The following KANK4 variants were observed in gnomAD, a reference collection of about 807,000 sequenced individuals.
KANK4 encodes the protein KN motif and ankyrin repeat domains 4.
A neutral mutation model predicts 80.8 loss-of-function variants in KANK4; 50 were observed. The ratio of observed to expected loss-of-function variants is 0.62; its 90% CI spans 0.49 to 0.78. The LOEUF (loss-of-function observed/expected upper bound fraction) is 0.78, where lower values mean the gene tolerates loss of function less well. KANK4 is among the 30% of genes least tolerant of loss of function. The probability of loss-of-function intolerance (pLI) is 0.00; values close to 1 mark genes in which losing one functional copy is unlikely to be tolerated. For synonymous variants in KANK4, 465 were observed against 506.9 expected (o/e 0.92, Z 1.11); for missense variants, 1,196 against 1,240.1 (o/e 0.96, Z 0.53).
chr1:62,238,466 T>C, intron 9 of KANK4, 85 bp from the exon 10 acceptor site: 1 of 1,092,026 alleles, frequency 9.2e-7, no homozygotes, highest in East Asian at 2.4e-5. Flanking sequence ...GAGTAGAGGG[T>C]ATGCCTGGGA....
chr1:62,297,505 T>C (rs995916964), intron 1 of KANK4, among the ~76,000 whole-genome samples: 4 of 152,210 alleles, frequency 2.6e-5, no homozygotes, highest in Admixed American at 1.3e-4. Context: ...CTTTGCCTTT[T>C]GGGTCCTATT....
chr1:62,239,885 A>G (rs907402499), intron 9 of KANK4, among the ~76,000 whole-genome samples: 2 of 152,148 alleles, frequency 1.3e-5, no homozygotes, highest in African/African-American at 4.8e-5. Context: ...TGGTGTATAT[A>G]TGCCACATAT....
chr1:62,247,776 C>T (rs1363937859), intron 8 of KANK4, 104 bp from the exon 9 acceptor site: 1 of 910,378 alleles, frequency 1.1e-6, no homozygotes, highest in South Asian at 1.4e-5. Context: ...ACCACAACCA[C>T]TGATTTGAAT....
At chr1:62,318,203 G>A (rs1265080515) in intron 1 of KANK4, among the ~76,000 whole-genome samples, 1 of 152,172 alleles carries the variant, frequency 6.6e-6, no homozygotes, top group African/African-American at 2.4e-5. Context: ...CTTTGCCCAG[G>A]CCTCAGGGGG....
intron 3 of KANK4, 55 bp downstream of exon 3, chr1:62,273,149 T>C (rs1672204765): frequency 4.0e-6 from 5 of 1,242,630 alleles, no homozygotes; most frequent in South Asian, 1.7e-5. Context: ...CTCTGCCTTA[T>C]CATGTGAAGG....
intron 9 of KANK4, among the ~76,000 whole-genome samples, chr1:62,243,924 G>T (rs1462395006): frequency 6.6e-6 from 1 of 151,988 alleles, no homozygotes; most frequent in Non-Finnish European, 1.5e-5. Context: ...GACACTGTCT[G>T]TAAATGCCAT....
chr1:62,247,417 G>T (rs1671492429), intron 9 of KANK4, 55 bp downstream of exon 9: 1 of 1,539,862 alleles, frequency 6.5e-7, no homozygotes, highest in Non-Finnish European at 8.9e-7. Flanking sequence ...TGGGGTTACA[G>T]GTATGAGCCA....
Position 62,273,340 on chromosome 1 carries a change from G to A in KANK4, c.1764C>T (p.Ala588=). ...LEHGYPELAS[A]IKQPASKLSS... ...TGAGCTTGGAGGCTGGCTGCTTGATGGCGCTGGCCAGCTCCGGGTACCCAT... is the reference window on the plus strand; with the variant it reads ...TGAGCTTGGAGGCTGGCTGCTTGATAGCGCTGGCCAGCTCCGGGTACCCAT... The change falls in exon 3 of 10, where the codon GCC becomes GCT. Residue 588 remains alanine (A), a synonymous_variant. Coordinates refer to ENST00000371153, the MANE Select transcript of KANK4 (RefSeq NM_181712.5). 7.5e-6 allele frequency: 12 copies of A among 1,608,284 alleles called. No individual in the cohort carries two copies. Among genetic ancestry groups the A allele is most frequent in the Non-Finnish European group, 1.0e-5 (12 of 1,175,652 alleles).
At chr1:62,241,369 G>C (rs1391692730) in intron 9 of KANK4, among the ~76,000 whole-genome samples, 2 of 152,160 alleles carry the variant, frequency 1.3e-5, no homozygotes, top group African/African-American at 4.8e-5. Flanking sequence ...TGGCATTTCA[G>C]TGGGACCCCC....
At chr1:62,314,537 G>A (rs1436429355) in intron 1 of KANK4, among the ~76,000 whole-genome samples, 3 of 151,902 alleles carry the variant, frequency 2.0e-5, no homozygotes, top group Non-Finnish European at 4.4e-5. Flanking sequence ...CGGCACCGAA[G>A]GCTGCTCTTT....
chr1:62,277,959 T>C (rs539983645), intron 2 of KANK4, among the ~76,000 whole-genome samples: 1 of 152,240 alleles, frequency 6.6e-6, no homozygotes, highest in South Asian at 2.1e-4. Flanking sequence ...CACACAGTAT[T>C]TCAAAGTTCT....
intron 1 of KANK4, among the ~76,000 whole-genome samples, chr1:62,305,743 T>A (rs1446703027): frequency 6.6e-6 from 1 of 152,100 alleles, no homozygotes; most frequent in African/African-American, 2.4e-5. Context: ...AAATCGGGAA[T>A]CCAAAGAATG....
chr1:62,244,327 C>T (rs1256108366), intron 9 of KANK4, among the ~76,000 whole-genome samples: 1 of 151,998 alleles, frequency 6.6e-6, no homozygotes, highest in African/African-American at 2.4e-5. Context: ...TCCCAAGTAG[C>T]TGGGACTACA....
Position 62,268,486 on chromosome 1 carries a change from C to T in KANK4, c.2032G>A (p.Glu678Lys), listed in dbSNP as rs1303936679. 6.2e-7 allele frequency: 1 copy of T among 1,613,554 alleles called. No individual in the cohort carries two copies. The highest frequency in any genetic ancestry group is 1.7e-5 in the Admixed American group (1 of 59,988). ...GTGCTGTCCTCACCGCTGGTCTCCT[C>T]ACTTGAGGTGGTCTCATACCTGGGG... ...VNGGYETTSS[E>K]ETSGEDSTPE... is the part of the protein sequence containing the mutation. The change falls in exon 5 of 10, where the codon GAG (glutamate) becomes AAG (lysine). Residue 678 changes from glutamate to lysine, a missense_variant. Around this residue, in one of 3 missense-constraint regions of KANK4, gnomAD observed 1,154 missense variants for 1,179.6 expected, o/e 0.98. Transcript: ENST00000371153.
Position 62,274,244 on chromosome 1 carries a change from G to C in KANK4, c.860C>G (p.Pro287Arg). The C allele has an allele frequency of 6.2e-7, 1 of 1,614,062 alleles. No homozygotes were observed. Among genetic ancestry groups the C allele is most frequent in the Non-Finnish European group, 8.5e-7 (1 of 1,179,970 alleles). Residue 287 changes from proline (P) to arginine (R), a missense_variant, in exon 3 of 10, where the codon CCA becomes CGA. By Grantham distance (103) the Pro-to-Arg change is moderately radical. Coordinates refer to ENST00000371153, the MANE Select transcript of KANK4 (RefSeq NM_181712.5). ...CTCAGGGATGGGTGATGGCAGAGGT[G>C]GCGGGCTTGGCGTAGGGGAGCCAGG... ...FTPGSPTPSP[P>R]PLPSPIPENE...
chr1:62,244,168 C>T (rs938339913), intron 9 of KANK4, among the ~76,000 whole-genome samples: 2 of 151,848 alleles, frequency 1.3e-5, no homozygotes, highest in African/African-American at 4.8e-5. Flanking sequence ...GTCACTGAAC[C>T]TAGATTCAAA....
rs1349795464 is a variant in KANK4 at position 62,263,247 on chromosome 1, G to A, written c.2384C>T (p.Pro795Leu). Residue 795 changes from proline to leucine, a missense_variant, in exon 7 of 10, where the codon CCC (proline) becomes CTC (leucine). Pro to Leu is a moderately conservative substitution (Grantham distance 98, BLOSUM62 -3). Around this residue, in one of 3 missense-constraint regions of KANK4, gnomAD observed 1,154 missense variants for 1,179.6 expected, o/e 0.98. Transcript: ENST00000371153. ...FRVSSRKSSS[P>L]AVVASYLHEV... ...GTGGAGGTAGGAGGCCACCACGGCG[G>A]GGCTAGACGACTTCCGGCTGGAGAC... The A allele has an allele frequency of 6.2e-7, 1 of 1,613,602 alleles. No individual in the cohort carries two copies. Among genetic ancestry groups the A allele is most frequent in the Non-Finnish European group, 8.5e-7 (1 of 1,179,856 alleles).
In KANK4 at chr1:62,282,749, G is replaced by C. The variant is rs376740291; in HGVS notation, c.-70-1115C>G. Among the ~76,000 whole-genome samples, 4 of 152,336 alleles carry C rather than the reference G, an allele frequency of 2.6e-5. No homozygotes were observed. The East Asian group carries it at 5.8e-4, about 22-fold the overall frequency. Reference sequence around the variant, plus strand: ...TCATCTCCTCCAGCCCGTTTGCCAAGCAGCTGCCAGACAGGCCTTGCCCTA... The same window carrying C: ...TCATCTCCTCCAGCCCGTTTGCCAACCAGCTGCCAGACAGGCCTTGCCCTA... On this transcript the variant is annotated intron_variant, in intron 1 of 9. Coordinates refer to ENST00000371153, the MANE Select transcript of KANK4 (RefSeq NM_181712.5).
chr1:62,267,545 T>C (rs771210140), intron 5 of KANK4, among the ~76,000 whole-genome samples: 6 of 152,190 alleles, frequency 3.9e-5, no homozygotes, highest in Non-Finnish European at 8.8e-5. Flanking sequence ...CTCATGCCTA[T>C]AATCCCAGCA....
Sources: allele counts gnomAD v4.1 joint callset (sites outside exome capture counted in the v4.1 genomes callset), GRCh38; gene constraint gnomAD v4.1.1; regional missense constraint gnomAD v4.1.1; transcripts MANE v1.5; gene names NCBI Gene and HGNC (gene_info 2026-07-23, HGNC 2026-07-21).